The following LDLRAD4 variants were observed in gnomAD, a reference collection of about 807,000 sequenced individuals.
The protein encoded by LDLRAD4 is low density lipoprotein receptor class A domain containing 4.
Under a neutral mutation model 17.0 loss-of-function variants are expected in LDLRAD4, and 5 were observed. The ratio of observed to expected loss-of-function variants is 0.29; its 90% CI spans 0.15 to 0.62. The LOEUF (loss-of-function observed/expected upper bound fraction) is 0.62, where lower values mean the gene tolerates loss of function less well. Among genes scored for constraint, LDLRAD4 ranks in the 20% least tolerant of loss-of-function variants. The probability of loss-of-function intolerance (pLI) is 0.84; values close to 1 mark genes in which losing one functional copy is unlikely to be tolerated. For missense variants in LDLRAD4, 340 were observed against 424.7 expected (o/e 0.80, Z 1.75); for synonymous variants, 168 against 171.8 (o/e 0.98, Z 0.17).
At chr18:13,612,580 A>C (rs1601709891) in intron 3 of LDLRAD4, 1 of 1,498,188 alleles carries the variant, frequency 6.7e-7, no homozygotes. Context: ...ACTCTCCCAC[A>C]CCCCATGCCA....
At chr18:13,381,524 A>G (rs1476876871) in intron 1 of LDLRAD4, among the ~76,000 whole-genome samples, 2 of 152,234 alleles carry the variant, frequency 1.3e-5, no homozygotes, top group Non-Finnish European at 2.9e-5. Context: ...TACCAGAAGC[A>G]GAGTGGGTCC....
rs867383899 is a variant in LDLRAD4 at position 13,645,261 on chromosome 18, C to T, written c.525C>T (p.Ser175=). The change falls in exon 6 of 6, where the codon TCC becomes TCT. Residue 175 remains serine (S), a synonymous_variant. Coordinates refer to ENST00000359446, the Ensembl canonical transcript of LDLRAD4. The surrounding 1 kb of genome is among the most constrained non-coding windows in gnomAD (Gnocchi z 5.7). Reference sequence around the variant, plus strand: ...ATCTTCCTCCCACCATCTCCCTGTCCGACGGTGAAGAGCCACCTCCTTACC... The same window carrying T: ...ATCTTCCTCCCACCATCTCCCTGTCTGACGGTGAAGAGCCACCTCCTTACC... The T allele has an allele frequency of 2.0e-5, 33 of 1,614,054 alleles. No homozygotes were observed. In the Middle Eastern group the frequency reaches 4.9e-4, roughly 24 times the overall value.
intron 2 of LDLRAD4, among the ~76,000 whole-genome samples, chr18:13,395,388 GT>G (rs1159933614): frequency 8.1e-6 from 1 of 123,336 alleles, no homozygotes; most frequent in African/African-American, 3.3e-5. Flanking sequence ...CAGTCTGAGT[GT>G]CATCACGATC....
intron 1 of LDLRAD4, among the ~76,000 whole-genome samples, chr18:13,266,727 CTGG>C: frequency 6.6e-6 from 1 of 152,380 alleles, no homozygotes; most frequent in East Asian, 1.9e-4. Context: ...CACCGCAGTC[CTGG>C]CCAGACCCGT....
At chr18:13,304,591 G>GGCTGTATAC in intron 1 of LDLRAD4, among the ~76,000 whole-genome samples, 1 of 152,228 alleles carries the variant, frequency 6.6e-6, no homozygotes, top group Non-Finnish European at 1.5e-5. Context: ...CCTGAGGAAT[G>GGCTGTATAC]AGGCCAGGCA....
chr18:13,318,462 A>G (rs889201865), intron 1 of LDLRAD4, among the ~76,000 whole-genome samples: 11 of 152,264 alleles, frequency 7.2e-5, no homozygotes, highest in Non-Finnish European at 1.6e-4. Flanking sequence ...GGGTTTTACC[A>G]TACTGGTCAG....
In LDLRAD4 at chr18:13,643,280, A is replaced by T. The variant is rs930350367; in HGVS notation, c.337-79A>T. ...TCCCCGTTTCCAGAAGTTGTGCTTC[A>T]TGTTTTTAGGTGCGGCGGGGCTAAT... On this transcript the variant is annotated intron_variant, in intron 4 of 5. Transcript: ENST00000359446. 2.3e-5 allele frequency: 21 copies of T among 922,470 alleles called. No homozygotes were observed. In the African/African-American group the frequency reaches 3.5e-4, roughly 15 times the overall value. The allele number at this position is 922,470 out of a possible 1,614,324, so 57.1% of individuals were successfully genotyped here.
chr18:13,623,556 T>C (rs1601777573), intron 4 of LDLRAD4, among the ~76,000 whole-genome samples: 1 of 152,362 alleles, frequency 6.6e-6, no homozygotes, highest in East Asian at 1.9e-4. Context: ...CAAAGGACTC[T>C]GTGTGATGTT....
At chr18:13,493,836 A>T (rs558630017) in intron 3 of LDLRAD4, among the ~76,000 whole-genome samples, 1 of 152,336 alleles carries the variant, frequency 6.6e-6, no homozygotes, top group East Asian at 1.9e-4. Context: ...CCCTGCCTCC[A>T]GCCCCGTGGT....
intron 3 of LDLRAD4, among the ~76,000 whole-genome samples, chr18:13,606,628 G>A (rs1359429595): frequency 6.6e-6 from 1 of 152,164 alleles, no homozygotes; most frequent in African/African-American, 2.4e-5. Context: ...CCATGTTATA[G>A]ACTAATGTCC....
At chr18:13,339,187 C>A (rs983392554) in intron 1 of LDLRAD4, among the ~76,000 whole-genome samples, 2 of 150,678 alleles carry the variant, frequency 1.3e-5, no homozygotes, top group Non-Finnish European at 3.0e-5. Flanking sequence ...CTCTTTAAAT[C>A]TGTTATCCTT....
At chr18:13,453,484 C>A (rs2091956425) in intron 3 of LDLRAD4, among the ~76,000 whole-genome samples, 1 of 152,066 alleles carries the variant, frequency 6.6e-6, no homozygotes, top group African/African-American at 2.4e-5. Flanking sequence ...TTTTTCGCAG[C>A]TGCCGGCAAG....
intron 1 of LDLRAD4, among the ~76,000 whole-genome samples, chr18:13,346,800 C>A (rs566352004): frequency 6.6e-6 from 1 of 152,174 alleles, no homozygotes; most frequent in African/African-American, 2.4e-5. Flanking sequence ...GTTAGCTCTT[C>A]TTGTTGAATT....
intron 1 of LDLRAD4, among the ~76,000 whole-genome samples, chr18:13,294,473 A>G (rs2046156288): frequency 6.6e-6 from 1 of 152,240 alleles, no homozygotes. Flanking sequence ...ATTATAGAAG[A>G]GTGAGTTACG....
chr18:13,382,604 CAT>C (rs1491107913), intron 1 of LDLRAD4: 3 of 152,118 alleles, frequency 2.0e-5, no homozygotes, highest in African/African-American at 4.8e-5. Flanking sequence ...ATAGAACCTC[CAT>C]GTGTGTGTGC....
chr18:13,509,356 G>A (rs1316392061), intron 3 of LDLRAD4, among the ~76,000 whole-genome samples: 1 of 152,186 alleles, frequency 6.6e-6, no homozygotes, highest in Non-Finnish European at 1.5e-5. Context: ...GAAGAATTGG[G>A]TTCCACCCCT....
chr18:13,500,194 G>A (rs1172800149), intron 3 of LDLRAD4, among the ~76,000 whole-genome samples: 1 of 152,208 alleles, frequency 6.6e-6, no homozygotes, highest in African/African-American at 2.4e-5. Flanking sequence ...TGGAGTCACT[G>A]TGCAGACCCT....
At chr18:13,315,569 G>A (rs962500767) in intron 1 of LDLRAD4, among the ~76,000 whole-genome samples, 8 of 152,140 alleles carry the variant, frequency 5.3e-5, no homozygotes, top group African/African-American at 1.9e-4. Context: ...AGGATCACCT[G>A]AGGTCGGGAG....
At chr18:13,596,032 T>A (rs2095091271) in intron 3 of LDLRAD4, among the ~76,000 whole-genome samples, 1 of 152,232 alleles carries the variant, frequency 6.6e-6, no homozygotes, top group Non-Finnish European at 1.5e-5. Context: ...AGTTTTTGCT[T>A]CATGTATTTT....
Sources: allele counts gnomAD v4.1 joint callset (sites outside exome capture counted in the v4.1 genomes callset), GRCh38; gene constraint gnomAD v4.1.1; non-coding constraint Gnocchi (gnomAD v3.1); transcripts MANE v1.5; gene names NCBI Gene and HGNC (gene_info 2026-07-23, HGNC 2026-07-21).